Variants in TSC2 observed in about 807,000 individuals in gnomAD.
The protein encoded by TSC2 is TSC complex subunit 2.
TSC2 carries 29 observed loss-of-function variants against 202.2 expected under a neutral mutation model. The observed-to-expected ratio is 0.14, with a 90% CI of 0.11 to 0.20. The LOEUF is 0.20. TSC2 is among the 10% of genes least tolerant of loss of function. The pLI is 1.00. For missense variants in TSC2, 2,429 were observed against 2,420.0 expected, an observed-to-expected ratio of 1.00 and a Z score of -0.08; for synonymous variants, 1,349 against 1,044.0, an observed-to-expected ratio of 1.29 and a Z score of -5.63.
At chr16:2,080,430 C>T in intron 30 of TSC2, 53 bp downstream of exon 30, 2 of 1,595,120 alleles carry the variant, frequency 1.3e-6, no homozygotes, top group African/African-American at 1.3e-5. Context: ...ACCCACAGAG[C>T]TGTGGACACT....
intron 31 of TSC2, 184 bp downstream of exon 31, chr16:2,081,982 C>G (rs1337907542): frequency 3.5e-6 from 3 of 858,850 alleles, no homozygotes; most frequent in Non-Finnish European, 5.5e-6. Context: ...GTCTGCCCTG[C>G]TCAGGAAGCT....
intron 24 of TSC2, 46 bp from the exon 25 acceptor site, chr16:2,076,444 AG>A: frequency 6.2e-7 from 1 of 1,609,402 alleles, no homozygotes. Context: ...GAGGGCCTCC[AG>A]CCCCCATTGC....
At chr16:2,061,635 T>A (rs2086646563) in intron 11 of TSC2, 1 of 602,472 alleles carries the variant, frequency 1.7e-6, no homozygotes, top group African/African-American at 1.8e-5. Flanking sequence ...TGAGAGGATC[T>A]GGGGGGTGTC....
intron 10 of TSC2, 129 bp from the exon 11 acceptor site, chr16:2,060,541 C>T: frequency 6.6e-7 from 1 of 1,504,970 alleles, no homozygotes; most frequent in Non-Finnish European, 9.1e-7. Flanking sequence ...GTTTCTGCGG[C>T]CCCTGATAAA....
chr16:2,063,882 G>A, intron 14 of TSC2: 1 of 363,372 alleles, frequency 2.8e-6, no homozygotes, highest in Non-Finnish European at 5.4e-6. Context: ...GCATGCACAG[G>A]CACACACGTG....
intron 36 of TSC2, 121 bp downstream of exon 36, chr16:2,085,443 C>T: frequency 9.5e-7 from 1 of 1,057,034 alleles, no homozygotes; most frequent in Non-Finnish European, 1.4e-6. Flanking sequence ...TCCCCTACAG[C>T]ATGAAGTGCT....
intron 25 of TSC2, among the ~76,000 whole-genome samples, chr16:2,077,117 T>C (rs996268909): frequency 3.3e-5 from 5 of 152,340 alleles, no homozygotes; most frequent in African/African-American, 1.2e-4. Flanking sequence ...CTCCAGCCCC[T>C]GGGGGCCGGG....
Position 2,085,333 on chromosome 16 carries a change from G to C in TSC2, c.4662+11G>C, listed in dbSNP as rs761569930. 6.2e-7 allele frequency: 1 copy of C among 1,612,450 alleles called. No individual in the cohort carries two copies. Among genetic ancestry groups the C allele is most frequent in the East Asian group, 2.2e-5 (1 of 44,882 alleles). On this transcript the variant is annotated intron_variant, in intron 36 of 41. Transcript: ENST00000219476. ...GTTGGAGAAGGCCAGGTGAGGCTGCGGGGCCGGCCTAGGTGCCTGGACAGG... is the reference window on the plus strand; with the variant it reads ...GTTGGAGAAGGCCAGGTGAGGCTGCCGGGCCGGCCTAGGTGCCTGGACAGG...
chr16:2,048,119 G>C, intron 1 of TSC2, 54 bp downstream of exon 1: 1 of 1,493,828 alleles, frequency 6.7e-7, no homozygotes. Context: ...CAGCGGCCTA[G>C]AGAGGCGGAC....
At chr16:2,048,504 G>T in intron 1 of TSC2, 83 bp from the exon 2 acceptor site, 1 of 1,554,008 alleles carries the variant, frequency 6.4e-7, no homozygotes, top group Non-Finnish European at 8.8e-7. Flanking sequence ...AGAGACCCAG[G>T]GTCCTGACGG....
intron 30 of TSC2, 172 bp from the exon 31 acceptor site, chr16:2,081,423 G>A (rs1289400305): frequency 3.6e-6 from 3 of 832,438 alleles, no homozygotes; most frequent in East Asian, 2.7e-5. Flanking sequence ...GCTGAGCGGG[G>A]CAGCAGGGTG....
At chr16:2,052,212 C>T (rs1046706593) in intron 3 of TSC2, among the ~76,000 whole-genome samples, 3 of 123,784 alleles carry the variant, frequency 2.4e-5, no homozygotes, top group African/African-American at 1.1e-4. Flanking sequence ...CAGGTTGCAA[C>T]GGTAAGAGTA....
intron 30 of TSC2, chr16:2,080,780 A>G (rs148501094): frequency 0.038 from 8,673 of 226,160 alleles, 232 homozygotes; most frequent in Admixed American, 0.05. Context: ...CACCGCGCCC[A>G]GCCATTTGGG....
chr16:2,049,438 T>A (rs1236002730), intron 2 of TSC2, among the ~76,000 whole-genome samples: 1 of 152,162 alleles, frequency 6.6e-6, no homozygotes, highest in Non-Finnish European at 1.5e-5. Context: ...TGCCTGGCAT[T>A]GTGTTTTGCC....
chr16:2,086,676 G>A, intron 37 of TSC2, 56 bp from the exon 38 acceptor site: 1 of 1,601,568 alleles, frequency 6.2e-7, no homozygotes, highest in Non-Finnish European at 8.5e-7. Context: ...CCAGTGCAAG[G>A]CACAGAGGGC....
At chr16:2,065,029 G>A (rs1382286178) in intron 15 of TSC2, 6 of 192,426 alleles carry the variant, frequency 3.1e-5, no homozygotes, top group Non-Finnish European at 5.4e-5. Flanking sequence ...CAGGAGAATC[G>A]CTTGAACCTA....
intron 16 of TSC2, 94 bp from the exon 17 acceptor site, chr16:2,070,362 C>T (rs2088090130): frequency 1.2e-6 from 2 of 1,607,632 alleles, no homozygotes; most frequent in Non-Finnish European, 1.7e-6. Context: ...CACTCTAGAG[C>T]AGCCGCCCCG....
At chr16:2,075,496 C>T (rs373593942) in intron 22 of TSC2, among the ~76,000 whole-genome samples, 1 of 136,298 alleles carries the variant, frequency 7.3e-6, no homozygotes, top group Admixed American at 7.9e-5. Context: ...CACTGCACTC[C>T]AGCCTGGGCG....
At chr16:2,057,284 C>G (rs2085987685) in intron 9 of TSC2, 106 bp downstream of exon 9, 12 of 1,357,564 alleles carry the variant, frequency 8.8e-6, no homozygotes, top group Non-Finnish European at 1.2e-5. Flanking sequence ...TCCTTGTCCT[C>G]TCGGGCAGCT....
Sources: gnomAD v4.1 joint callset for allele counts (sites outside exome capture counted in the v4.1 genomes callset) on GRCh38, gnomAD v4.1.1 for gene constraint, MANE v1.5 for transcripts, NCBI Gene and HGNC (gene_info 2026-07-23, HGNC 2026-07-21) for gene names.